CELSR2: variants seen among roughly 807,000 people sequenced by gnomAD.
CELSR2 encodes the protein EGF-like protein 2.
In CELSR2, 81 loss-of-function variants were observed where a neutral mutation model predicts 251.6. The ratio of observed to expected loss-of-function variants is 0.32; its 90% CI spans 0.27 to 0.39. The LOEUF (loss-of-function observed/expected upper bound fraction) is 0.39. Among genes scored for constraint, CELSR2 ranks in the 10% least tolerant of loss-of-function variants. The probability of loss-of-function intolerance (pLI) is 1.00; values close to 1 mark genes in which losing one functional copy is unlikely to be tolerated. For missense variants in CELSR2, 3,365 were observed against 3,947.7 expected, an observed-to-expected ratio of 0.85 and a Z score of 3.96; for synonymous variants, 1,721 against 1,670.5, an observed-to-expected ratio of 1.03 and a Z score of -0.74.
rs1329833232 is a variant in CELSR2, at chr1:109,265,748, G to A, written c.5741G>A (p.Arg1914Gln). ...GECHCKENHY[R>Q]PPGSPTCLLC... ...CTCCTTTCTCAGGAGAACCACTACC[G>A]GCCCCCAGGCAGCCCCACCTGCCTC... The change falls in exon 14 of 34, where the codon CGG becomes CAG. Residue 1914 changes from arginine (R) to glutamine (Q), a missense_variant. By Grantham distance (43) the Arg-to-Gln change is conservative (BLOSUM62 1). Around this residue, in one of 5 missense-constraint regions of CELSR2, gnomAD observed 2,093 missense variants for 2,382.8 expected, o/e 0.88. Coordinates refer to ENST00000271332, the MANE Select transcript of CELSR2 (RefSeq NM_001408.3). 58 of 1,610,628 alleles carry A rather than the reference G, an allele frequency of 3.6e-5. No homozygotes were observed. Among genetic ancestry groups the A allele is most frequent in the Non-Finnish European group, 4.8e-5 (56 of 1,177,414 alleles).
chr1:109,259,352 G>C, intron 2 of CELSR2, among the ~76,000 whole-genome samples: 1 of 152,262 alleles, frequency 6.6e-6, no homozygotes, highest in East Asian at 1.9e-4. Flanking sequence ...TCGTGTATCA[G>C]CTTTGCCGCT....
rs201787934 is a variant in CELSR2 at position 109,270,030 on chromosome 1, G to T, written c.7205G>T (p.Arg2402Leu). The T allele has an allele frequency of 6.2e-7, 1 of 1,613,908 alleles. No individual in the cohort carries two copies. The highest frequency in any genetic ancestry group is 8.5e-7 in the Non-Finnish European group (1 of 1,180,022). Reference sequence around the variant, plus strand: ...ACCTTCTTCTTCCTCACTCTCTTGCGTATCCTGCGCTCCAACCAACACGGC... The same window carrying T: ...ACCTTCTTCTTCCTCACTCTCTTGCTTATCCTGCGCTCCAACCAACACGGC... ...LLTFFFLTLL[R>L]ILRSNQHGIR... Residue 2402 changes from arginine (R) to leucine (L), a missense_variant, in exon 23 of 34, where the codon CGT becomes CTT. By Grantham distance (102) the Arg-to-Leu change is moderately radical. Coordinates refer to ENST00000271332, the MANE Select transcript of CELSR2 (RefSeq NM_001408.3).
chr1:109,251,847 C>T lies in CELSR2; in HGVS notation c.1768C>T (p.Leu590Phe). The T allele has an allele frequency of 6.2e-7, 1 of 1,614,138 alleles. No homozygotes were observed. The highest frequency in any genetic ancestry group is 1.1e-5 in the South Asian group (1 of 91,086). Residue 590 changes from leucine (L) to phenylalanine (F), a missense_variant, in exon 1 of 34, where the codon CTC becomes TTC. This residue lies in a region of CELSR2 where 704 missense variants were observed against 784.1 expected (regional missense o/e 0.90). Coordinates refer to ENST00000271332, the MANE Select transcript of CELSR2 (RefSeq NM_001408.3). The surrounding 1 kb of genome is among the most constrained non-coding windows in gnomAD (Gnocchi z 4.9). ...VEARDHGTPA[L>F]TASASVSVTV... ...AGCTCGAGACCATGGCACTCCAGCA[C>T]TCACTGCCTCGGCCAGTGTCAGCGT...
rs1397752232 is a variant in CELSR2, at chr1:109,264,614, G to A, written c.5450G>A (p.Cys1817Tyr). The A allele has an allele frequency of 1.2e-6, 2 of 1,612,774 alleles. No homozygotes were observed. Among genetic ancestry groups the A allele is most frequent in the Middle Eastern group, 1.6e-4 (1 of 6,084 alleles). Residue 1817 changes from cysteine (C) to tyrosine (Y), a missense_variant, in exon 11 of 34, where the codon TGC (cysteine) becomes TAC (tyrosine). Cys to Tyr is a radical substitution (Grantham distance 194, BLOSUM62 -2). Transcript: ENST00000271332. ...YCSNDWDSYS[C>Y]SCDPGYYGDN... ...AGCAACGACTGGGACAGCTATTCCT[G>A]CAGCTGTGATCCAGGTATGCTAAGG...
Position 109,258,790 on chromosome 1 carries a change from C to T in CELSR2, c.3669C>T (p.Arg1223=), listed in dbSNP as rs1455689108. The change falls in exon 2 of 34, where the codon CGC becomes CGT. Residue 1223 remains arginine (R), a synonymous_variant. Transcript: ENST00000271332. ...RSLLTAISAQ[R]VLPFDDNICL... ...TGCTGACGGCCATCTCGGCACAGCG[C>T]GTGCTGCCCTTCGACGACAACATCT... 3 of 1,608,188 alleles carry T rather than the reference C, an allele frequency of 1.9e-6. No homozygotes were observed. Among genetic ancestry groups the T allele is most frequent in the South Asian group, 1.1e-5 (1 of 90,076 alleles).
intron 12 of CELSR2, 75 bp from the exon 13 acceptor site, chr1:109,265,116 G>C: frequency 6.3e-7 from 1 of 1,583,030 alleles, no homozygotes; most frequent in Non-Finnish European, 8.6e-7. Context: ...AGGGTCAGAA[G>C]GGCCACATAG....
intron 14 of CELSR2, 52 bp downstream of exon 14, chr1:109,265,970 T>C (rs749145513): frequency 1.3e-5 from 20 of 1,588,264 alleles, no homozygotes; most frequent in Non-Finnish European, 1.5e-5. Context: ...GCTAGGCACC[T>C]GCACCCCAGG....
rs1177373542 is a variant in CELSR2, at chr1:109,268,489, G to A, written c.6319-92G>A. 5 of 1,453,748 alleles carry A rather than the reference G, an allele frequency of 3.4e-6. No individual in the cohort carries two copies. The South Asian group carries it at 4.2e-5, about 12-fold the overall frequency. The allele number at this position is 1,453,748 out of a possible 1,614,324, so 90.1% of individuals were successfully genotyped here. ...CACAGAGGGAGGGGCCTGGTGGGGAGCAGGGACTGGCCCGGGCACAGGCCG... is the reference window on the plus strand; with the variant it reads ...CACAGAGGGAGGGGCCTGGTGGGGAACAGGGACTGGCCCGGGCACAGGCCG... On this transcript the variant is annotated intron_variant, in intron 17 of 33. Transcript: ENST00000271332.
Position 109,269,084 on chromosome 1 carries a change from C to G in CELSR2, c.6632-26C>G. The stretch of plus-strand genomic sequence containing the variant: ...AGACTCCACAGAGAGCAGGGCCCAG[C>G]TAAGTGTGACAGTGTCCCCTCCCAG... On this transcript the variant is annotated intron_variant, in intron 19 of 33. Transcript: ENST00000271332. The surrounding 1 kb of genome is among the most constrained non-coding windows in gnomAD (Gnocchi z 6.4). 1 of 1,597,250 alleles carries G rather than the reference C, an allele frequency of 6.3e-7. No homozygotes were observed. Among genetic ancestry groups the G allele is most frequent in the Non-Finnish European group, 8.5e-7 (1 of 1,169,830 alleles).
rs938856010 is a variant in CELSR2, at chr1:109,252,289, C to T, written c.2210C>T (p.Thr737Met). ...ACCACGGTGGTGCTGATCAGCGCCA[C>T]GGATGAGGACACAGGTGAGAATGCC... ...AGTTVVLISA[T>M]DEDTGENARI... Residue 737 changes from threonine (T) to methionine (M), a missense_variant, in exon 1 of 34, where the codon ACG (threonine) becomes ATG (methionine). Around this residue, in one of 5 missense-constraint regions of CELSR2, gnomAD observed 505 missense variants for 660.0 expected, o/e 0.77. Coordinates refer to ENST00000271332, the MANE Select transcript of CELSR2 (RefSeq NM_001408.3). This position sits in a 1 kb window ranked among gnomAD's most constrained non-coding sequence, Gnocchi z 4.8. The T allele has an allele frequency of 2.5e-5, 41 of 1,613,124 alleles. No individual in the cohort carries two copies. Among genetic ancestry groups the T allele is most frequent in the African/African-American group, 6.7e-5 (5 of 74,916 alleles).
intron 1 of CELSR2, 117 bp from the exon 2 acceptor site, chr1:109,258,315 C>A (rs1570780511): frequency 1.5e-6 from 1 of 669,736 alleles, no homozygotes; most frequent in Non-Finnish European, 2.5e-6. Context: ...ACGTGACATA[C>A]CTGGCTCAGC....
rs989758440 is a variant in CELSR2, at chr1:109,272,130, T to C, written c.7927-148T>C. Reference sequence around the variant, plus strand: ...CTGTGACCACTGCCAGGCCTCAATATGGGGACAGCGGAGAAGCAGGGCCCT... The same window carrying C: ...CTGTGACCACTGCCAGGCCTCAATACGGGGACAGCGGAGAAGCAGGGCCCT... On this transcript the variant is annotated intron_variant, in intron 28 of 33. Transcript: ENST00000271332. 8.3e-6 allele frequency: 9 copies of C among 1,089,456 alleles called. No homozygotes were observed. The African/African-American group carries it at 1.4e-4, about 17-fold the overall frequency. The allele number at this position is 1,089,456 out of a possible 1,614,324, so 67.5% of individuals were successfully genotyped here. A position where few individuals can be genotyped will look rare whatever the true frequency, so the allele number is the denominator to read the frequency against.
intron 6 of CELSR2, 108 bp from the exon 7 acceptor site, chr1:109,262,698 C>T: frequency 2.0e-6 from 3 of 1,537,830 alleles, no homozygotes; most frequent in Non-Finnish European, 1.8e-6. Flanking sequence ...TGCAGGGCCT[C>T]TTGGACACCT....
chr1:109,269,419 A>G lies in CELSR2; in HGVS notation c.6813-5A>G. 6.2e-7 allele frequency: 1 copy of G among 1,613,334 alleles called. No individual in the cohort carries two copies. The highest frequency in any genetic ancestry group is 8.5e-7 in the Non-Finnish European group (1 of 1,179,672). ...GTGACTGTGCACCTGACTGCCCCAC[A>G]TCAGAGTCCCCAAACGCCCGATCAT... On this transcript the variant is annotated splice_polypyrimidine_tract_variant and splice_region_variant and intron_variant, in intron 20 of 33. Transcript: ENST00000271332. The surrounding 1 kb of genome is among the most constrained non-coding windows in gnomAD (Gnocchi z 6.4).
intron 33 of CELSR2, 80 bp from the exon 34 acceptor site, chr1:109,273,942 G>C (rs1295298589): frequency 6.4e-7 from 1 of 1,560,934 alleles, no homozygotes; most frequent in African/African-American, 1.4e-5. Flanking sequence ...CCTTCGTCTG[G>C]TGAAAGCTTT....
At chr1:109,260,978 G>T in intron 2 of CELSR2, 64 bp from the exon 3 acceptor site, 1 of 1,300,258 alleles carries the variant, frequency 7.7e-7, no homozygotes, top group Non-Finnish European at 1.1e-6. Flanking sequence ...CTGGGTTGTG[G>T]GGGGTCTCAG....
chr1:109,249,987 C>T lies in CELSR2; in HGVS notation c.-93C>T. On this transcript the variant is annotated 5_prime_UTR_variant, in exon 1 of 34. Coordinates refer to ENST00000271332, the MANE Select transcript of CELSR2 (RefSeq NM_001408.3). ...CGGGAGGCCCCCGGGGACTGGCGCCCTGGCCCGGGCATGAGGCGCGGCGGG... is the reference window on the plus strand; with the variant it reads ...CGGGAGGCCCCCGGGGACTGGCGCCTTGGCCCGGGCATGAGGCGCGGCGGG... 5 of 1,169,620 alleles carry T rather than the reference C, an allele frequency of 4.3e-6. No homozygotes were observed. The highest frequency in any genetic ancestry group is 5.3e-6 in the Non-Finnish European group (5 of 942,300). The allele number at this position is 1,169,620 out of a possible 1,614,324, so 72.5% of individuals were successfully genotyped here. A position where few individuals can be genotyped will look rare whatever the true frequency, so the allele number is the denominator to read the frequency against.
Position 109,250,133 on chromosome 1 carries a change from G to A in CELSR2, c.54G>A (p.Leu18=), listed in dbSNP as rs766047206. Residue 18 remains leucine, a synonymous_variant, in exon 1 of 34, where the codon CTG becomes CTA. Transcript: ENST00000271332. This position sits in a 1 kb window ranked among gnomAD's most constrained non-coding sequence, Gnocchi z 4.4. ...TCCCAACGCCGCCGCCGCCGCTGCT[G>A]CTGCTGTTGCTGCTGCTGCTGCCGC... The part of the protein sequence containing the change: ...VPLPTPPPPL[L]LLLLLLLPPP... 2 of 1,592,500 alleles carry A rather than the reference G, an allele frequency of 1.3e-6. No individual in the cohort carries two copies. Among genetic ancestry groups the A allele is most frequent in the Non-Finnish European group, 1.7e-6 (2 of 1,172,540 alleles).
In CELSR2 at chr1:109,264,224, T is replaced by C; in HGVS notation, c.5148T>C (p.Ile1716=). Residue 1716 remains isoleucine (I), a synonymous_variant, in exon 10 of 34, where the codon ATT becomes ATC. Coordinates refer to ENST00000271332, the MANE Select transcript of CELSR2 (RefSeq NM_001408.3). ...CCAGCGGGGGGCCCGGCCATGCCAT[T>C]CTGTCCTTCGATTATGGGCAGCAGA... ...LGASGGPGHA[I]LSFDYGQQRA... is the part of the protein sequence containing the mutation. The C allele has an allele frequency of 6.2e-7, 1 of 1,613,906 alleles. No individual in the cohort carries two copies. The highest frequency in any genetic ancestry group is 8.5e-7 in the Non-Finnish European group (1 of 1,180,010).
Sources: gnomAD v4.1 joint callset for allele counts (sites outside exome capture counted in the v4.1 genomes callset) on GRCh38, gnomAD v4.1.1 for gene constraint, gnomAD v4.1.1 regional missense constraint, Gnocchi (gnomAD v3.1) non-coding constraint, MANE v1.5 for transcripts, NCBI Gene and HGNC (gene_info 2026-07-23, HGNC 2026-07-21) for gene names.